TBC1D32: variants seen among roughly 807,000 people sequenced by gnomAD.
TBC1D32 encodes the protein TBC1 domain family member 32.
Under a neutral mutation model 170.3 loss-of-function variants are expected in TBC1D32, and 151 were observed. That is an observed-to-expected ratio of 0.89 (90% CI 0.78 to 1.01). The LOEUF (loss-of-function observed/expected upper bound fraction) is 1.01. TBC1D32 is among the 50% of genes least tolerant of loss of function. TBC1D32 has a pLI of 0.00. For synonymous variants in TBC1D32, 498 were observed against 488.0 expected, an observed-to-expected ratio of 1.02 and a Z score of -0.27; for missense variants, 1,464 against 1,457.1, an observed-to-expected ratio of 1.00 and a Z score of -0.08.
chr6:121,181,892 G>A (rs561209667), intron 22 of TBC1D32, among the ~76,000 whole-genome samples: 1 of 152,210 alleles, frequency 6.6e-6, no homozygotes, highest in Admixed American at 6.6e-5. Context: ...TATATCACAT[G>A]TTCTTACTCA....
At chr6:121,217,618 G>C (rs776086586) in intron 21 of TBC1D32, among the ~76,000 whole-genome samples, 10 of 152,132 alleles carry the variant, frequency 6.6e-5, no homozygotes, top group Non-Finnish European at 1.0e-4. Flanking sequence ...ACAAAGAGGG[G>C]AACAACAGAC....
At chr6:121,307,857 G>T in intron 5 of TBC1D32, 119 bp downstream of exon 5, 1 of 1,131,904 alleles carries the variant, frequency 8.8e-7, no homozygotes, top group Non-Finnish European at 1.2e-6. Context: ...AGTGAAACTC[G>T]GTCTCAAAAA....
chr6:121,089,605 CA>C (rs1776604103), intron 31 of TBC1D32, among the ~76,000 whole-genome samples: 1 of 152,106 alleles, frequency 6.6e-6, no homozygotes, highest in Non-Finnish European at 1.5e-5. Flanking sequence ...TCATTTTTCT[CA>C]GCATACTTTT....
rs577614809 is a variant in TBC1D32 at position 121,101,200 on chromosome 6, T to C, written c.3465+4823A>G. On this transcript the variant is annotated intron_variant, in intron 30 of 31. Transcript: ENST00000398212. ...CCATTCCTTCTGAAACTATTCCAAT[T>C]AATAGAAAAAGAGGGAATCCTCCCG... is the stretch of plus-strand genomic sequence containing the variant. 1.3e-4 allele frequency among the ~76,000 whole-genome samples: 20 copies of C among 151,808 alleles called. No individual in the cohort carries two copies. The East Asian group carries it at 3.7e-3, about 28-fold the overall frequency.
intron 12 of TBC1D32, among the ~76,000 whole-genome samples, chr6:121,284,287 G>C (rs1803471720): frequency 6.6e-6 from 1 of 152,048 alleles, no homozygotes; most frequent in South Asian, 2.1e-4. Flanking sequence ...CAAAACTGTA[G>C]AACAGGGCTT....
At chr6:121,258,358 T>G (rs562484178) in intron 15 of TBC1D32, among the ~76,000 whole-genome samples, 3 of 152,246 alleles carry the variant, frequency 2.0e-5, no homozygotes, top group Non-Finnish European at 4.4e-5. Context: ...CATGAATATG[T>G]CACTAACTCG....
chr6:121,273,280 C>T (rs1422209202), intron 15 of TBC1D32, among the ~76,000 whole-genome samples: 5 of 150,450 alleles, frequency 3.3e-5, no homozygotes, highest in Non-Finnish European at 5.9e-5. Flanking sequence ...GAAAATGTGG[C>T]ACATATACAC....
chr6:121,148,815 T>C lies in TBC1D32; in HGVS notation c.2773+11195A>G, dbSNP rs143420313. Among the ~76,000 whole-genome samples, 331 of 152,236 alleles carry C rather than the reference T, an allele frequency of 2.2e-3. 1 individual carries two copies. Among genetic ancestry groups the C allele is most frequent in the Middle Eastern group, 0.01 (3 of 294 alleles). ...TTTTAGTAAAGATGTGGTTTCACCA[T>C]GTTGGCCAGGCTGGTGTTGAACTCC... On this transcript the variant is annotated intron_variant, in intron 24 of 31. Transcript: ENST00000398212.
intron 20 of TBC1D32, among the ~76,000 whole-genome samples, chr6:121,232,312 C>G (rs1795841032): frequency 6.6e-6 from 1 of 151,956 alleles, no homozygotes; most frequent in African/African-American, 2.4e-5. Context: ...CCACGTCATT[C>G]TGTTAACTGT....
chr6:121,185,479 T>C (rs1789075059), intron 22 of TBC1D32, among the ~76,000 whole-genome samples: 1 of 152,114 alleles, frequency 6.6e-6, no homozygotes, highest in Non-Finnish European at 1.5e-5. Flanking sequence ...GTTGCCAAAT[T>C]TGTATAGGAA....
intron 9 of TBC1D32, among the ~76,000 whole-genome samples, chr6:121,300,478 C>A (rs887020840): frequency 4.6e-5 from 7 of 151,996 alleles, no homozygotes; most frequent in Admixed American, 3.3e-4. Context: ...ACAAACCTAA[C>A]AAAAACAAGC....
intron 19 of TBC1D32, 103 bp from the exon 20 acceptor site, chr6:121,239,291 G>A: frequency 5.2e-6 from 3 of 575,724 alleles, no homozygotes; most frequent in Middle Eastern, 5.0e-4. Flanking sequence ...TACTCTGACA[G>A]AAGACACATA....
In TBC1D32 at chr6:121,131,746, T is replaced by C. The variant is rs752590903; in HGVS notation, c.2780A>G (p.Asp927Gly). 1.3e-6 allele frequency: 2 copies of C among 1,589,062 alleles called. No individual in the cohort carries two copies. Among genetic ancestry groups the C allele is most frequent in the Non-Finnish European group, 8.6e-7 (1 of 1,160,814 alleles). ...GAGGCATAATAAAAGCTTGTCAAGATCATTGTCTAATCAGAAAGATAACAT... is the reference window on the plus strand; with the variant it reads ...GAGGCATAATAAAAGCTTGTCAAGACCATTGTCTAATCAGAAAGATAACAT... ...TRNAGIKQDN[D>G]LDKLLLCLKI... is the part of the protein sequence containing the mutation. Residue 927 changes from aspartate to glycine, a missense_variant, in exon 25 of 32, where the codon GAT (aspartate) becomes GGT (glycine). Around this residue, in one of 3 missense-constraint regions of TBC1D32, gnomAD observed 1,363 missense variants for 1,338.1 expected, o/e 1.02. Transcript: ENST00000398212.
At chr6:121,311,973 G>C (rs1808278866) in intron 3 of TBC1D32, among the ~76,000 whole-genome samples, 1 of 152,146 alleles carries the variant, frequency 6.6e-6, no homozygotes, top group Admixed American at 6.5e-5. Flanking sequence ...ATCAATGATA[G>C]GTTGGATAAA....
At chr6:121,263,482 A>G (rs1021068028) in intron 15 of TBC1D32, among the ~76,000 whole-genome samples, 7 of 152,146 alleles carry the variant, frequency 4.6e-5, no homozygotes, top group Non-Finnish European at 8.8e-5. Flanking sequence ...CTACCACACA[A>G]TAATAGTGGG....
At chr6:121,300,800 G>T (rs548574971) in intron 9 of TBC1D32, among the ~76,000 whole-genome samples, 11 of 152,134 alleles carry the variant, frequency 7.2e-5, no homozygotes, top group African/African-American at 2.4e-4. Context: ...TCTGACAAAG[G>T]GCTAATATCC....
chr6:121,330,460 T>C (rs1047774127), intron 1 of TBC1D32, among the ~76,000 whole-genome samples: 1 of 152,238 alleles, frequency 6.6e-6, no homozygotes, highest in Non-Finnish European at 1.5e-5. Flanking sequence ...ATGGTCCCTC[T>C]GTATCAAAAA....
intron 1 of TBC1D32, among the ~76,000 whole-genome samples, chr6:121,330,400 T>C (rs182700602): frequency 7.5e-4 from 114 of 152,260 alleles, no homozygotes; most frequent in Non-Finnish European, 9.9e-4. Flanking sequence ...AAGTCACCGG[T>C]GAATTCTTCT....
intron 31 of TBC1D32, among the ~76,000 whole-genome samples, chr6:121,081,770 G>C (rs1399841442): frequency 6.6e-6 from 1 of 151,796 alleles, no homozygotes; most frequent in Non-Finnish European, 1.5e-5. Flanking sequence ...ACACAATCTC[G>C]ATGAGAACAG....
Sources: allele counts gnomAD v4.1 joint callset (sites outside exome capture counted in the v4.1 genomes callset), GRCh38; gene constraint gnomAD v4.1.1; regional missense constraint gnomAD v4.1.1; transcripts MANE v1.5; gene names NCBI Gene and HGNC (gene_info 2026-07-23, HGNC 2026-07-21).